Variants in TMEM245 observed in about 807,000 individuals in gnomAD.
TMEM245 encodes the protein transmembrane protein 245.
TMEM245 carries 69 observed loss-of-function variants against 101.2 expected under a neutral mutation model. The observed-to-expected ratio is 0.68, with a 90% CI of 0.56 to 0.83. The LOEUF (loss-of-function observed/expected upper bound fraction) is 0.83. TMEM245 is among the 40% of genes least tolerant of loss of function. The pLI is 0.00. For missense variants in TMEM245, 1,075 were observed against 1,092.8 expected (o/e 0.98, Z 0.23); for synonymous variants, 537 against 449.8 (o/e 1.19, Z -2.45).
chr9:109,116,866 C>T (rs543977895), intron 1 of TMEM245, among the ~76,000 whole-genome samples: 1 of 152,148 alleles, frequency 6.6e-6, no homozygotes, highest in Admixed American at 6.5e-5. Flanking sequence ...GACTCCTTGT[C>T]TTCTCAAGTA....
At chr9:109,094,918 A>C (rs1830098433) in intron 3 of TMEM245, among the ~76,000 whole-genome samples, 1 of 152,140 alleles carries the variant, frequency 6.6e-6, no homozygotes, top group Admixed American at 6.6e-5. Context: ...TTTCAGCTCC[A>C]AGTTAATTAA....
chr9:109,073,865 T>TTTTTTTTTTTTTTTTTTTTTTTG (rs1829412934), intron 8 of TMEM245, among the ~76,000 whole-genome samples: 1 of 148,474 alleles, frequency 6.7e-6, no homozygotes, highest in African/African-American at 2.5e-5. Context: ...TGTTTTTTTT[T>TTTTTTTTTTTTTTTTTTTTTTTG]TTTTTTTTTT....
intron 4 of TMEM245, among the ~76,000 whole-genome samples, 168 bp downstream of exon 4, chr9:109,093,307 T>A (rs542966880): frequency 1.3e-5 from 2 of 151,988 alleles, no homozygotes; most frequent in South Asian, 4.2e-4. Flanking sequence ...AAGTGATATA[T>A]GAGAACAAAG....
intron 17 of TMEM245, among the ~76,000 whole-genome samples, chr9:109,030,443 G>C (rs1827912456): frequency 6.6e-6 from 1 of 152,174 alleles, no homozygotes; most frequent in African/African-American, 2.4e-5. Context: ...ATTCATTTAA[G>C]TTGCTTTCAT....
intron 14 of TMEM245, among the ~76,000 whole-genome samples, chr9:109,045,727 C>G (rs554508690): frequency 1.3e-5 from 2 of 152,166 alleles, no homozygotes; most frequent in African/African-American, 4.8e-5. Context: ...GGTAATTTAC[C>G]TTGGAAACTT....
chr9:109,069,844 C>G (rs759026241), intron 9 of TMEM245, among the ~76,000 whole-genome samples: 24 of 152,114 alleles, frequency 1.6e-4, no homozygotes, highest in Non-Finnish European at 3.2e-4. Context: ...TTCTCTAGTT[C>G]CTCGTTCCCA....
At chr9:109,054,975 A>G (rs1367587909) in intron 12 of TMEM245, among the ~76,000 whole-genome samples, 1 of 152,218 alleles carries the variant, frequency 6.6e-6, no homozygotes, top group Non-Finnish European at 1.5e-5. Flanking sequence ...TTCATTACTC[A>G]ATATTTAAAT....
rs1829863665 is a variant in TMEM245, at chr9:109,087,173, C to G, written c.1320G>C (p.Lys440Asn). Residue 440 changes from lysine (K) to asparagine (N), a missense_variant and splice_region_variant, in exon 6 of 18, where the codon AAG becomes AAC. This residue lies in a region of TMEM245 where 808 missense variants were observed against 741.5 expected (regional missense o/e 1.09). Transcript: ENST00000374586. ...LGKFLLKVDS[K>N]LWHWLNKKMI... The stretch of plus-strand genomic sequence containing the variant: ...AGCCCAAGTCCTTAAAATACAATAC[C>G]TTGCTATCAACTTTTAACAAGAATT... 6.2e-7 allele frequency: 1 copy of G among 1,604,434 alleles called. No homozygotes were observed. The highest frequency in any genetic ancestry group is 1.1e-5 in the South Asian group (1 of 89,022).
chr9:109,072,921 T>G (rs752661473), intron 9 of TMEM245, among the ~76,000 whole-genome samples: 2 of 152,202 alleles, frequency 1.3e-5, no homozygotes, highest in Non-Finnish European at 2.9e-5. Context: ...GTGGAAACTT[T>G]CCTTCAGTTG....
chr9:109,112,528 C>T (rs1450627011), intron 1 of TMEM245, among the ~76,000 whole-genome samples: 20 of 130,510 alleles, frequency 1.5e-4, no homozygotes, highest in Non-Finnish European at 2.6e-4. Flanking sequence ...GCAGCAAGAG[C>T]AAAACTCCAT....
intron 12 of TMEM245, among the ~76,000 whole-genome samples, chr9:109,056,635 T>C (rs527763357): frequency 6.6e-6 from 1 of 151,898 alleles, no homozygotes. Flanking sequence ...TAATTAATTT[T>C]AAAAAGTTTA....
intron 9 of TMEM245, among the ~76,000 whole-genome samples, chr9:109,067,016 A>G (rs1829190888): frequency 6.8e-6 from 1 of 148,128 alleles, no homozygotes; most frequent in South Asian, 2.1e-4. Flanking sequence ...AGATCATGCC[A>G]TTGCATTCCA....
At position 109,015,612 on chromosome 9, in the gene TMEM245, C is replaced by T. The variant is rs573825451; in HGVS notation, c.*4848G>A. Reference sequence around the variant, plus strand: ...AAGCTAGCAAAAAGCTAGTAAGAAACCAGATGTCTAGTAAAGAACTCTGGA... The same window carrying T: ...AAGCTAGCAAAAAGCTAGTAAGAAATCAGATGTCTAGTAAAGAACTCTGGA... On this transcript the variant is annotated 3_prime_UTR_variant, in exon 18 of 18. Coordinates refer to ENST00000374586, the MANE Select transcript of TMEM245 (RefSeq NM_032012.4). 2 of 152,704 alleles carry T rather than the reference C, an allele frequency of 1.3e-5. No homozygotes were observed. The highest frequency in any genetic ancestry group is 2.1e-4 in the South Asian group (1 of 4,824). The allele number at this position is 152,704 out of a possible 1,614,324, so 9.5% of individuals were successfully genotyped here. A position where few individuals can be genotyped will look rare whatever the true frequency, so the allele number is the denominator to read the frequency against.
intron 5 of TMEM245, among the ~76,000 whole-genome samples, chr9:109,090,015 C>G (rs769025878): frequency 7.9e-5 from 12 of 152,154 alleles, no homozygotes; most frequent in Non-Finnish European, 1.8e-4. Context: ...AATGCCAGCA[C>G]TTTGGGAGGC....
intron 8 of TMEM245, among the ~76,000 whole-genome samples, chr9:109,080,287 T>TA (rs1157285766): frequency 2.6e-5 from 4 of 151,594 alleles, no homozygotes; most frequent in Admixed American, 6.6e-5. Flanking sequence ...TTGATAAGCC[T>TA]AAAAAAAATA....
intron 1 of TMEM245, among the ~76,000 whole-genome samples, chr9:109,117,539 A>G (rs1442424595): frequency 6.6e-6 from 1 of 152,190 alleles, no homozygotes; most frequent in African/African-American, 2.4e-5. Context: ...AAATACAAAG[A>G]TGAGGGTTTA....
chr9:109,020,243 C>T lies in TMEM245; in HGVS notation c.*217G>A. The T allele has an allele frequency of 1.7e-6, 1 of 601,826 alleles. No individual in the cohort carries two copies. The allele number at this position is 601,826 out of a possible 1,614,324, so 37.3% of individuals were successfully genotyped here. On this transcript the variant is annotated 3_prime_UTR_variant, in exon 18 of 18. Coordinates refer to ENST00000374586, the MANE Select transcript of TMEM245 (RefSeq NM_032012.4). ...TCTTAACAACAGTTAAGTGAGCAAA[C>T]CACCAACTCTGAACTCTCAAGCTGT... is the stretch of plus-strand genomic sequence containing the variant.
intron 11 of TMEM245, among the ~76,000 whole-genome samples, chr9:109,058,762 C>T (rs1005061273): frequency 7.9e-5 from 12 of 152,056 alleles, no homozygotes; most frequent in Non-Finnish European, 1.2e-4. Flanking sequence ...TACAGGCGCA[C>T]ACCACCACAC....
In TMEM245 at chr9:109,058,239, C is replaced by T. The variant is rs112054369; in HGVS notation, c.1723-917G>A. Among the ~76,000 whole-genome samples, 516 of 151,760 alleles carry T rather than the reference C, an allele frequency of 3.4e-3. 2 individuals are homozygous for T. Among genetic ancestry groups the T allele is most frequent in the African/African-American group, 0.012 (495 of 41,396 alleles). The stretch of plus-strand genomic sequence containing the variant: ...CAGGATAGTCTTGATCTCCTGATCT[C>T]GTGATCCGCCCGCCTCAGCCTCCCA... On this transcript the variant is annotated intron_variant, in intron 11 of 17. Transcript: ENST00000374586.
Sources: allele counts gnomAD v4.1 joint callset (sites outside exome capture counted in the v4.1 genomes callset), GRCh38; gene constraint gnomAD v4.1.1; regional missense constraint gnomAD v4.1.1; transcripts MANE v1.5; gene names NCBI Gene and HGNC (gene_info 2026-07-23, HGNC 2026-07-21).